The following PDE4D variants were observed in gnomAD, a reference collection of about 807,000 sequenced individuals.
PDE4D encodes the protein phosphodiesterase 4D.
In PDE4D, 24 loss-of-function variants were observed where a neutral mutation model predicts 87.4. The ratio of observed to expected loss-of-function variants is 0.27; its 90% CI spans 0.20 to 0.39. PDE4D has a LOEUF of 0.39. Ranked by LOEUF, PDE4D falls within the 10% of genes least tolerant of loss-of-function variation. The pLI, the probability that PDE4D is intolerant of heterozygous loss-of-function variation, is 1.00. For missense variants in PDE4D, 714 were observed against 1,041.0 expected (o/e 0.69, Z 4.32); for synonymous variants, 384 against 383.2 (o/e 1.00, Z -0.02).
At position 59,753,679 on chromosome 5, in the gene PDE4D, C is replaced by T. The variant is rs565679472; in HGVS notation, c.455+139489G>A. 3.9e-5 allele frequency among the ~76,000 whole-genome samples: 6 copies of T among 152,068 alleles called. No homozygotes were observed. The East Asian group carries it at 1.2e-3, about 29-fold the overall frequency. On this transcript the variant is annotated intron_variant, in intron 1 of 14. Transcript: ENST00000340635. ...TCAATTAAGGTGCTGGAAACAGAGA[C>T]AATGAAAAGAAAAGGGAGATCTCAT...
intron 1 of PDE4D, among the ~76,000 whole-genome samples, chr5:60,291,565 G>A (rs1752900458): frequency 6.6e-6 from 1 of 151,616 alleles, no homozygotes; most frequent in Admixed American, 6.6e-5. Context: ...GATGCTAATC[G>A]TTAAGAAAAT....
At chr5:59,600,322 G>A (rs1362957005) in intron 1 of PDE4D, among the ~76,000 whole-genome samples, 4 of 152,192 alleles carry the variant, frequency 2.6e-5, no homozygotes, top group Admixed American at 2.6e-4. Context: ...GCTCAGGCAT[G>A]AAAGGGTGCA....
chr5:59,371,461 T>C (rs1783928432), intron 1 of PDE4D, among the ~76,000 whole-genome samples: 1 of 152,226 alleles, frequency 6.6e-6, no homozygotes, highest in Admixed American at 6.5e-5. Flanking sequence ...CACTGGCATA[T>C]GTACTGGCAT....
intron 2 of PDE4D, among the ~76,000 whole-genome samples, chr5:60,174,532 T>C (rs898270022): frequency 6.6e-6 from 1 of 152,044 alleles, no homozygotes; most frequent in African/African-American, 2.4e-5. Flanking sequence ...GAAACAGCTT[T>C]ACCCTCTCAG....
At chr5:59,195,330 G>A (rs1177915597) in intron 2 of PDE4D, among the ~76,000 whole-genome samples, 1 of 152,162 alleles carries the variant, frequency 6.6e-6, no homozygotes, top group Non-Finnish European at 1.5e-5. Flanking sequence ...CAATGGCCCA[G>A]GGTAGGAGCA....
intron 1 of PDE4D, among the ~76,000 whole-genome samples, chr5:60,458,386 CAAAAAAAAAA>C (rs61006284): frequency 8.0e-5 from 6 of 75,188 alleles, no homozygotes; most frequent in Admixed American, 7.7e-4. Flanking sequence ...GACTTCATTG[CAAAAAAAAAA>C]AAAAAAAAAA....
intron 1 of PDE4D, among the ~76,000 whole-genome samples, chr5:59,338,725 C>T (rs1778183110): frequency 6.6e-6 from 1 of 152,126 alleles, no homozygotes; most frequent in African/African-American, 2.4e-5. Flanking sequence ...TTTCCAAGTT[C>T]CCAGGGGGCA....
intron 1 of PDE4D, among the ~76,000 whole-genome samples, chr5:59,274,421 C>T (rs987865519): frequency 2.0e-5 from 3 of 152,090 alleles, no homozygotes; most frequent in African/African-American, 4.8e-5. Flanking sequence ...TGTGTGTTTG[C>T]CTGCTCACAT....
At chr5:60,072,529 T>G (rs556058169) in intron 2 of PDE4D, among the ~76,000 whole-genome samples, 30 of 152,266 alleles carry the variant, frequency 2.0e-4, no homozygotes, top group African/African-American at 7.2e-4. Context: ...ATTTATCATT[T>G]TTTTGCTTTT....
chr5:60,104,250 G>A (rs894792016), intron 2 of PDE4D, among the ~76,000 whole-genome samples: 16 of 152,324 alleles, frequency 1.1e-4, no homozygotes, highest in South Asian at 4.1e-4. Context: ...ACAGAGTCTC[G>A]CTGATTGCTA....
intron 1 of PDE4D, among the ~76,000 whole-genome samples, chr5:59,459,910 C>T (rs1313806926): frequency 6.6e-6 from 1 of 152,070 alleles, no homozygotes; most frequent in Non-Finnish European, 1.5e-5. Flanking sequence ...CTCTAAGGTT[C>T]GAGGAGGGGA....
chr5:59,093,618 C>T (rs1260626828), intron 5 of PDE4D, among the ~76,000 whole-genome samples: 1 of 151,878 alleles, frequency 6.6e-6, no homozygotes, highest in African/African-American at 2.4e-5. Context: ...TGCAACAGTG[C>T]AACCCTACAG....
intron 1 of PDE4D, among the ~76,000 whole-genome samples, chr5:59,729,208 T>C (rs922249475): frequency 1.3e-5 from 2 of 152,094 alleles, no homozygotes; most frequent in African/African-American, 4.8e-5. Flanking sequence ...TAATATGTCT[T>C]TCCAATTCAT....
At chr5:59,945,596 C>T (rs1757648958) in intron 3 of PDE4D, among the ~76,000 whole-genome samples, 1 of 152,188 alleles carries the variant, frequency 6.6e-6, no homozygotes, top group African/African-American at 2.4e-5. Flanking sequence ...TGTCTCTCTT[C>T]CCACTGTACT....
intron 1 of PDE4D, among the ~76,000 whole-genome samples, chr5:59,611,644 TA>T (rs1829023768): frequency 6.6e-6 from 1 of 152,186 alleles, no homozygotes; most frequent in South Asian, 2.1e-4. Context: ...AAATGTTCCA[TA>T]AATATTAATA....
At chr5:59,909,604 C>T (rs1377652689) in intron 3 of PDE4D, among the ~76,000 whole-genome samples, 1 of 152,084 alleles carries the variant, frequency 6.6e-6, no homozygotes, top group East Asian at 1.9e-4. Flanking sequence ...AGCCTTGTCT[C>T]AAACACCTGG....
At chr5:59,242,839 G>C (rs1435800164) in intron 1 of PDE4D, among the ~76,000 whole-genome samples, 1 of 152,144 alleles carries the variant, frequency 6.6e-6, no homozygotes, top group Non-Finnish European at 1.5e-5. Context: ...CAGATGTAGA[G>C]CCAGTGTCAG....
At chr5:60,407,861 G>A (rs1432017016) in intron 1 of PDE4D, among the ~76,000 whole-genome samples, 6 of 152,084 alleles carry the variant, frequency 3.9e-5, no homozygotes, top group Admixed American at 6.6e-5. Flanking sequence ...TTAGAAGGGC[G>A]GTCTATGTCA....
chr5:59,285,736 G>A (rs1174054904), intron 1 of PDE4D, among the ~76,000 whole-genome samples: 1 of 152,112 alleles, frequency 6.6e-6, no homozygotes, highest in Non-Finnish European at 1.5e-5. Context: ...GAACCTTTTG[G>A]AAGCTCAATT....
Sources: allele counts gnomAD v4.1 joint callset (sites outside exome capture counted in the v4.1 genomes callset), GRCh38; gene constraint gnomAD v4.1.1; transcripts MANE v1.5; gene names NCBI Gene and HGNC (gene_info 2026-07-23, HGNC 2026-07-21).